Variants in CAST observed in about 807,000 individuals in gnomAD.
CAST encodes the protein calpastatin.
CAST carries 76 observed loss-of-function variants against 119.6 expected under a neutral mutation model. That is an observed-to-expected ratio of 0.64 (90% CI 0.53 to 0.77). CAST has a LOEUF of 0.77. CAST is among the 30% of genes least tolerant of loss of function. The probability of loss-of-function intolerance (pLI) is 0.00; values close to 1 mark genes in which losing one functional copy is unlikely to be tolerated. For missense variants in CAST, 953 were observed against 946.5 expected (o/e 1.01, Z -0.09); for synonymous variants, 319 against 331.6 (o/e 0.96, Z 0.41).
At chr5:96,217,215 T>TTTTTTTTTTC in the CAST span, among the ~76,000 whole-genome samples, 36 of 146,432 alleles carry the variant, frequency 2.5e-4, 1 homozygote, top group African/African-American at 9.2e-4. Flanking sequence ...TTTTTTTTTT[T>TTTTTTTTTTC]TTTTTTATAG....
chr5:96,519,842 G>C, the CAST span, among the ~76,000 whole-genome samples: 1 of 152,166 alleles, frequency 6.6e-6, no homozygotes. Flanking sequence ...CCCAACCTCA[G>C]GTGACCCACC....
At position 96,727,641 on chromosome 5, in the gene CAST, TTTAA is replaced by T. The variant is rs1420037940; in HGVS notation, c.378+118_378+121del. The stretch of plus-strand genomic sequence containing the variant: ...AATGGTAAAGGGGGTTGCTGGCTAA[TTTAA>T]TTAATTTTTAGACCCTTTTGAATGG... On this transcript the variant is annotated intron_variant, in intron 6 of 31. Transcript: ENST00000675179. 9 of 587,312 alleles carry T rather than the reference TTTAA, an allele frequency of 1.5e-5. No homozygotes were observed. In the Admixed American group the frequency reaches 2.4e-4, roughly 15 times the overall value. The allele number at this position is 587,312 out of a possible 1,614,324, so 36.4% of individuals were successfully genotyped here. A position where few individuals can be genotyped will look rare whatever the true frequency, so the allele number is the denominator to read the frequency against.
chr5:96,320,904 G>A, the CAST span, among the ~76,000 whole-genome samples: 1 of 152,154 alleles, frequency 6.6e-6, no homozygotes, highest in Non-Finnish European at 1.5e-5. Flanking sequence ...GAATCTGATA[G>A]TCCCCCTTCC....
chr5:96,250,872 A>G, the CAST span, among the ~76,000 whole-genome samples: 1 of 152,222 alleles, frequency 6.6e-6, no homozygotes, highest in Non-Finnish European at 1.5e-5. Flanking sequence ...TTAAAATATC[A>G]GAGAAAAGGT....
chr5:96,541,451 C>A (rs1184056877), intron 1 of CAST, among the ~76,000 whole-genome samples: 1 of 152,308 alleles, frequency 6.6e-6, no homozygotes, highest in South Asian at 2.1e-4. Flanking sequence ...TTTCTAGACT[C>A]AATCCCCTGA....
chr5:96,723,332 A>G (rs906556412), intron 4 of CAST, among the ~76,000 whole-genome samples: 11 of 152,144 alleles, frequency 7.2e-5, no homozygotes, highest in Admixed American at 3.3e-4. Flanking sequence ...TCCTCTAAGT[A>G]CATTTCTCTA....
At chr5:96,527,561 C>CTACA (rs953311215), upstream of CAST, among the ~76,000 whole-genome samples, 1 of 152,172 alleles carries the variant, frequency 6.6e-6, no homozygotes, top group African/African-American at 2.4e-5. Flanking sequence ...ACTCCTCCCT[C>CTACA]TACAGCAGGC....
chr5:96,234,011 G>C, the CAST span, among the ~76,000 whole-genome samples: 1 of 152,128 alleles, frequency 6.6e-6, no homozygotes, highest in Non-Finnish European at 1.5e-5. Context: ...GAATAAATTA[G>C]ATCCTTTGGT....
the CAST span, among the ~76,000 whole-genome samples, chr5:96,315,385 C>T: frequency 2.0e-5 from 3 of 152,182 alleles, 1 homozygote; most frequent in African/African-American, 4.8e-5. Flanking sequence ...ATAGGGAATA[C>T]AGACAGTGCT....
the CAST span, among the ~76,000 whole-genome samples, chr5:96,042,717 G>T: frequency 6.6e-6 from 1 of 152,056 alleles, no homozygotes; most frequent in Non-Finnish European, 1.5e-5. Flanking sequence ...AATAGGTGTG[G>T]ATTAAAATTC....
chr5:96,008,194 CT>C, the CAST span, among the ~76,000 whole-genome samples: 1 of 152,202 alleles, frequency 6.6e-6, no homozygotes, highest in African/African-American at 2.4e-5. Flanking sequence ...TCTCCAACTT[CT>C]CCAGTTTTTT....
chr5:96,510,596 T>G, the CAST span, among the ~76,000 whole-genome samples: 1 of 152,226 alleles, frequency 6.6e-6, no homozygotes, highest in Non-Finnish European at 1.5e-5. Flanking sequence ...AAATGCAGTA[T>G]GTGGATTAAA....
At chr5:96,343,180 A>C in the CAST span, among the ~76,000 whole-genome samples, 5 of 152,290 alleles carry the variant, frequency 3.3e-5, no homozygotes, top group East Asian at 1.9e-4. Flanking sequence ...CTAAAAAAAA[A>C]CACATTTACA....
At chr5:96,257,843 A>G in the CAST span, among the ~76,000 whole-genome samples, 1 of 152,240 alleles carries the variant, frequency 6.6e-6, no homozygotes. Flanking sequence ...AGGAAAACAC[A>G]GCGGCGCACA....
At chr5:96,015,142 AG>A in the CAST span, among the ~76,000 whole-genome samples, 18 of 152,374 alleles carry the variant, frequency 1.2e-4, no homozygotes, top group Non-Finnish European at 2.5e-4. Flanking sequence ...CAGCTAAGAC[AG>A]CTAAGTCATG....
the CAST span, among the ~76,000 whole-genome samples, chr5:96,161,361 A>G: frequency 4.3e-4 from 65 of 152,194 alleles, no homozygotes; most frequent in African/African-American, 1.3e-3. Context: ...TTCTTTATAT[A>G]TTGTTCCAGA....
the CAST span, among the ~76,000 whole-genome samples, chr5:96,154,475 A>G: frequency 6.6e-6 from 1 of 152,162 alleles, no homozygotes; most frequent in Non-Finnish European, 1.5e-5. Flanking sequence ...CCCTATTGGT[A>G]ACATCTGATA....
rs375806203 is a variant in CAST at position 96,569,248 on chromosome 5, G to T, written c.60+39368G>T. Among the ~76,000 whole-genome samples, 23 of 152,310 alleles carry T rather than the reference G, an allele frequency of 1.5e-4. No individual in the cohort carries two copies. The South Asian group carries it at 4.1e-3, about 27-fold the overall frequency. On this transcript the variant is annotated intron_variant, in intron 1 of 11. Transcript: ENST00000505143. ...TGAGAGACCTCCCACTCATGGGTCT[G>T]CTTCTGCCACAAAGGTATAATGTGT...
At chr5:96,457,999 T>G in the CAST span, among the ~76,000 whole-genome samples, 2 of 152,228 alleles carry the variant, frequency 1.3e-5, no homozygotes, top group African/African-American at 4.8e-5. Context: ...ATTGTCAGGA[T>G]AAGTCTTGCT....
Sources: allele counts gnomAD v4.1 joint callset (sites outside exome capture counted in the v4.1 genomes callset), GRCh38; gene constraint gnomAD v4.1.1; transcripts MANE v1.5; gene names NCBI Gene and HGNC (gene_info 2026-07-23, HGNC 2026-07-21).